The following SMIM40 variants were observed in gnomAD, a reference collection of about 807,000 sequenced individuals.
SMIM40 encodes small integral membrane protein 40.
At position 33,327,203 on chromosome 6, in the gene SMIM40, C is replaced by T. The variant is rs887683983; in HGVS notation, c.*39+1784G>A. ...TTGGGAGGCCGAGGCAGGCAGATCA[C>T]GAAGTCTAGGAGTTCGAGACCAGCC... is the stretch of plus-strand genomic sequence containing the variant. On this transcript the variant is annotated intron_variant, in intron 1 of 2. Transcript: ENST00000494082. Among the ~76,000 whole-genome samples, 23 of 148,766 alleles carry T rather than the reference C, an allele frequency of 1.5e-4. 1 individual carries two copies. The highest frequency in any genetic ancestry group is 9.3e-4 in the Admixed American group (14 of 15,130).
At chr6:33,326,009 T>A (rs1359476744) in intron 1 of SMIM40, among the ~76,000 whole-genome samples, 2 of 149,674 alleles carry the variant, frequency 1.3e-5, no homozygotes, top group Non-Finnish European at 2.9e-5. Context: ...TATACATGTA[T>A]ATGCAGGAAG....
chr6:33,327,069 A>C (rs914086043), intron 1 of SMIM40, among the ~76,000 whole-genome samples: 1 of 148,616 alleles, frequency 6.7e-6, no homozygotes, highest in Non-Finnish European at 1.5e-5. Context: ...GGTTGCCGGA[A>C]GCCAAGATCG....
At chr6:33,325,389 T>A in intron 1 of SMIM40, among the ~76,000 whole-genome samples, 1 of 148,060 alleles carries the variant, frequency 6.8e-6, no homozygotes, top group Non-Finnish European at 1.5e-5. Flanking sequence ...AAAGGTTTTT[T>A]ATAGCGACAG....
chr6:33,328,775 A>G lies in SMIM40; in HGVS notation c.*39+212T>C, dbSNP rs1157671705. On this transcript the variant is annotated intron_variant, in intron 1 of 2. Transcript: ENST00000494082. ...GTGGCGCATGCCTGTAATCCCAGCTACTCAGGAGGCTGAGGCAGGAGAATC... is the reference window on the plus strand; with the variant it reads ...GTGGCGCATGCCTGTAATCCCAGCTGCTCAGGAGGCTGAGGCAGGAGAATC... Among the ~76,000 whole-genome samples, 8 of 151,704 alleles carry G rather than the reference A, an allele frequency of 5.3e-5. No individual in the cohort carries two copies. The East Asian group carries it at 1.6e-3, about 30-fold the overall frequency.
rs981757890 is a variant in SMIM40 at position 33,326,437 on chromosome 6, A to G, written c.*40-2407T>C. ...GTGATCCACCCAACTCAGCCTCCCA[A>G]AGTGCTGGGATTACAGGCGTGAAGC... On this transcript the variant is annotated intron_variant, in intron 1 of 2. Coordinates refer to ENST00000494082, the MANE Select transcript of SMIM40 (RefSeq NM_001369203.1). Among the ~76,000 whole-genome samples, 6 of 148,270 alleles carry G rather than the reference A, an allele frequency of 4.0e-5. 1 individual carries two copies. Among genetic ancestry groups the G allele is most frequent in the African/African-American group, 1.6e-4 (6 of 38,142 alleles).
At chr6:33,325,364 CAAA>C (rs9282494) in intron 1 of SMIM40, among the ~76,000 whole-genome samples, 1 of 89,354 alleles carries the variant, frequency 1.1e-5, no homozygotes, top group Non-Finnish European at 2.1e-5. Flanking sequence ...GACTCTGTCT[CAAA>C]AAAAAAAAAA....
intron 1 of SMIM40, 99 bp downstream of exon 1, chr6:33,328,886 CAA>C (rs9280408): frequency 7.8e-3 from 2,114 of 271,892 alleles, no homozygotes; most frequent in East Asian, 0.018. Flanking sequence ...AACTCCATCT[CAA>C]AAAAAAAAAA....
chr6:33,328,350 C>A (rs911301867), intron 1 of SMIM40, among the ~76,000 whole-genome samples: 1 of 150,738 alleles, frequency 6.6e-6, no homozygotes, highest in Non-Finnish European at 1.5e-5. Context: ...CCAACTTTCC[C>A]GGCTAATTTT....
chr6:33,324,617 G>T (rs1294026154), intron 1 of SMIM40, among the ~76,000 whole-genome samples: 1 of 139,358 alleles, frequency 7.2e-6, no homozygotes, highest in Non-Finnish European at 1.5e-5. Context: ...GGGCGCGATG[G>T]TTCACGCCTG....
At chr6:33,328,451 A>G (rs527926892) in intron 1 of SMIM40, among the ~76,000 whole-genome samples, 140 of 151,668 alleles carry the variant, frequency 9.2e-4, no homozygotes, top group Non-Finnish European at 1.5e-3. Context: ...TGGCCTCCCA[A>G]ATTTCTGGGA....
chr6:33,326,661 C>T (rs924914396), intron 1 of SMIM40, among the ~76,000 whole-genome samples: 3 of 144,766 alleles, frequency 2.1e-5, no homozygotes, highest in Admixed American at 2.0e-4. Context: ...CTCGTCTCTA[C>T]TAGAGATACA....
rs1210838918 is a variant in SMIM40 at position 33,328,976 on chromosome 6, TC to T, written c.*39+10del. 1.3e-4 allele frequency: 50 copies of T among 370,788 alleles called. No individual in the cohort carries two copies. The East Asian group carries it at 2.0e-3, about 15-fold the overall frequency. 23.0% of individuals were successfully genotyped at this position (370,788 alleles called of 1,614,324 possible). On this transcript the variant is annotated intron_variant, in intron 1 of 2. Coordinates refer to ENST00000494082, the MANE Select transcript of SMIM40 (RefSeq NM_001369203.1). Reference sequence around the variant, plus strand: ...CCAACACTCCCATTTCCCTCCTGTCTCCCCTCTCACCTCCTTGGTGGGGAAA... The same window carrying T: ...CCAACACTCCCATTTCCCTCCTGTCTCCCTCTCACCTCCTTGGTGGGGAAA...
In SMIM40 at chr6:33,323,804, A is replaced by G. The variant is rs2151004683; in HGVS notation, c.*160T>C. 1 of 152,428 alleles carries G rather than the reference A, an allele frequency of 6.6e-6. No individual in the cohort carries two copies. The highest frequency in any genetic ancestry group is 2.1e-4 in the South Asian group (1 of 4,828). The allele number at this position is 152,428 out of a possible 1,614,324, so 9.4% of individuals were successfully genotyped here. A position where few individuals can be genotyped will look rare whatever the true frequency, so the allele number is the denominator to read the frequency against. ...GTCGTGGGAGGCCTAGGGTCTGCGG[A>G]TGGGCGATGATGGGGTGGGGCTTGG... is the stretch of plus-strand genomic sequence containing the variant. On this transcript the variant is annotated 3_prime_UTR_variant, in exon 3 of 3. Transcript: ENST00000494082.
intron 1 of SMIM40, among the ~76,000 whole-genome samples, chr6:33,324,545 C>CTTTTTTTTTTTTTTTTTCCTTTT (rs1771013925): frequency 9.7e-6 from 1 of 103,216 alleles, no homozygotes; most frequent in African/African-American, 3.6e-5. Context: ...ACCACCTTTT[C>CTTTTTTTTTTTTTTTTTCCTTTT]TTTTTTTTTT....
At chr6:33,327,415 C>G (rs748461394) in intron 1 of SMIM40, among the ~76,000 whole-genome samples, 1 of 149,182 alleles carries the variant, frequency 6.7e-6, no homozygotes, top group Non-Finnish European at 1.5e-5. Flanking sequence ...GAGCAAGACT[C>G]TGTCTCAAAA....
At position 33,329,071 on chromosome 6, in the gene SMIM40, GT is replaced by G. The variant is rs1016002495; in HGVS notation, c.194del (p.Asp65AlafsTer108). On this transcript the variant is annotated frameshift_variant, in exon 1 of 3. Transcript: ENST00000494082. LOFTEE classifies it high-confidence loss of function. Reference sequence around the variant, plus strand: ...CCTTCTGAGGTGTCCCCAGGAGCCAGTCCCCTAACTTTGCCCATAGTAGTAA... The same window carrying G: ...CCTTCTGAGGTGTCCCCAGGAGCCAGCCCCTAACTTTGCCCATAGTAGTAA... ...LWLLLWAKLGDWLLGTPQKEE... is the reference protein window; with the variant it reads ...LWLLLWAKLGXWLLGTPQKEE... The G allele has an allele frequency of 1.3e-5, 5 of 398,576 alleles. No homozygotes were observed. Among genetic ancestry groups the G allele is most frequent in the African/African-American group, 1.0e-4 (5 of 48,610 alleles). The allele number at this position is 398,576 out of a possible 1,614,324, so 24.7% of individuals were successfully genotyped here.
Position 33,326,588 on chromosome 6 carries a change from G to A in SMIM40, c.*39+2399C>T, listed in dbSNP as rs143038859. 2.8e-3 allele frequency among the ~76,000 whole-genome samples: 417 copies of A among 149,446 alleles called. 12 individuals carry two copies. The Middle Eastern group carries it at 0.031, about 11-fold the overall frequency. ...GCCTGTAATCCTACCACTTTGGGAG[G>A]CCGAGGCGGGCAGATCACTTGAGGT... On this transcript the variant is annotated intron_variant, in intron 1 of 2. Coordinates refer to ENST00000494082, the MANE Select transcript of SMIM40 (RefSeq NM_001369203.1).
chr6:33,325,571 G>A (rs1193356920), intron 1 of SMIM40, among the ~76,000 whole-genome samples: 1 of 147,858 alleles, frequency 6.8e-6, no homozygotes, highest in Non-Finnish European at 1.5e-5. Context: ...GCCAGGCACG[G>A]TGGCTCACGC....
Position 33,328,288 on chromosome 6 carries a change from C to A in SMIM40, c.*39+699G>T, listed in dbSNP as rs988821458. On this transcript the variant is annotated intron_variant, in intron 1 of 2. Coordinates refer to ENST00000494082, the MANE Select transcript of SMIM40 (RefSeq NM_001369203.1). ...ACTGCAACTGCCTCCCGGGTTCAAGCAATTCTCCTGCCTCAGCCTCTGAGT... is the reference window on the plus strand; with the variant it reads ...ACTGCAACTGCCTCCCGGGTTCAAGAAATTCTCCTGCCTCAGCCTCTGAGT... 4.0e-5 allele frequency among the ~76,000 whole-genome samples: 6 copies of A among 151,248 alleles called. No individual in the cohort carries two copies. The South Asian group carries it at 1.3e-3, about 32-fold the overall frequency.
Sources: allele counts gnomAD v4.1 joint callset (sites outside exome capture counted in the v4.1 genomes callset), GRCh38; gene constraint gnomAD v4.1.1; transcripts MANE v1.5; gene names NCBI Gene and HGNC (gene_info 2026-07-23, HGNC 2026-07-21).